TSHZ2: variants seen among roughly 807,000 people sequenced by gnomAD.
The protein encoded by TSHZ2 is teashirt homolog 2.
TSHZ2 carries 21 observed loss-of-function variants against 74.4 expected under a neutral mutation model. The ratio of observed to expected loss-of-function variants is 0.28; its 90% CI spans 0.20 to 0.41. The LOEUF is 0.41. Ranked by LOEUF, TSHZ2 falls within the 10% of genes least tolerant of loss-of-function variation. The pLI is 1.00. For missense variants in TSHZ2, 1,244 were observed against 1,293.5 expected (o/e 0.96, Z 0.59); for synonymous variants, 540 against 515.3 (o/e 1.05, Z -0.65).
intron 1 of TSHZ2, among the ~76,000 whole-genome samples, chr20:53,081,527 CT>C (rs1568750337): frequency 6.6e-6 from 1 of 152,210 alleles, no homozygotes; most frequent in African/African-American, 2.4e-5. Context: ...CTTCCTTCAG[CT>C]GGTGTGCCAC....
chr20:53,435,622 TC>T (rs1393885378), intron 2 of TSHZ2, among the ~76,000 whole-genome samples: 1 of 152,216 alleles, frequency 6.6e-6, no homozygotes, highest in Non-Finnish European at 1.5e-5. Flanking sequence ...CAAGCAATTC[TC>T]CTGCCTCAGC....
chr20:53,423,126 C>T (rs1983537214), intron 2 of TSHZ2, among the ~76,000 whole-genome samples: 6 of 152,168 alleles, frequency 3.9e-5, no homozygotes, highest in Admixed American at 3.9e-4. Flanking sequence ...GGGTTGGGCG[C>T]CGTGGCTTAT....
intron 1 of TSHZ2, among the ~76,000 whole-genome samples, chr20:53,160,745 CAA>C (rs10653039): frequency 3.8e-4 from 36 of 95,774 alleles, no homozygotes; most frequent in South Asian, 1.0e-3. Flanking sequence ...ACTCTGTCTC[CAA>C]AAAAAAAAAA....
intron 1 of TSHZ2, among the ~76,000 whole-genome samples, chr20:53,098,217 A>G (rs374935161): frequency 6.6e-6 from 1 of 152,216 alleles, no homozygotes; most frequent in African/African-American, 2.4e-5. Context: ...CTGGTACTCA[A>G]TAAATACTGG....
chr20:53,220,222 A>C (rs1989522360), intron 1 of TSHZ2, among the ~76,000 whole-genome samples: 1 of 152,208 alleles, frequency 6.6e-6, no homozygotes, highest in African/African-American at 2.4e-5. Flanking sequence ...TCTTGGAGGA[A>C]AGTCTTTGGG....
chr20:53,306,190 G>A (rs777564828), intron 2 of TSHZ2, among the ~76,000 whole-genome samples: 7 of 152,222 alleles, frequency 4.6e-5, no homozygotes, highest in African/African-American at 7.2e-5. Context: ...CGTGGCAACC[G>A]TGTGCAAGAC....
intron 1 of TSHZ2, among the ~76,000 whole-genome samples, chr20:52,975,895 C>T (rs1981317974): frequency 6.6e-6 from 1 of 152,118 alleles, no homozygotes; most frequent in South Asian, 2.1e-4. Flanking sequence ...TATGGCCATA[C>T]TAACTTTTAT....
chr20:53,317,873 G>C (rs1979087427), intron 2 of TSHZ2, among the ~76,000 whole-genome samples: 1 of 152,144 alleles, frequency 6.6e-6, no homozygotes. Flanking sequence ...CTGCAGGGTG[G>C]AGTCCCTACT....
intron 2 of TSHZ2, among the ~76,000 whole-genome samples, chr20:53,479,740 A>G (rs556886730): frequency 6.6e-6 from 1 of 152,228 alleles, no homozygotes; most frequent in Non-Finnish European, 1.5e-5. Flanking sequence ...CCCAATGGGC[A>G]TTTGACAGTG....
intron 2 of TSHZ2, among the ~76,000 whole-genome samples, chr20:53,347,526 T>C (rs1980484179): frequency 6.6e-6 from 1 of 152,206 alleles, no homozygotes; most frequent in Admixed American, 6.5e-5. Context: ...TTCTCCCTTT[T>C]CCAAATCATA....
At chr20:53,184,779 G>T (rs1988562309) in intron 1 of TSHZ2, among the ~76,000 whole-genome samples, 2 of 152,158 alleles carry the variant, frequency 1.3e-5, no homozygotes, top group Non-Finnish European at 2.9e-5. Context: ...CACAGTCTTG[G>T]CTCACTGCAT....
chr20:53,315,219 A>G (rs146265079), intron 2 of TSHZ2, among the ~76,000 whole-genome samples: 6 of 152,370 alleles, frequency 3.9e-5, no homozygotes, highest in African/African-American at 7.2e-5. Context: ...TTCAACATCA[A>G]AACTATTAAT....
At chr20:53,014,513 G>A (rs1303419051) in intron 1 of TSHZ2, among the ~76,000 whole-genome samples, 1 of 152,140 alleles carries the variant, frequency 6.6e-6, no homozygotes, top group Non-Finnish European at 1.5e-5. Flanking sequence ...GGGACCAGGT[G>A]GTGACTGGAG....
chr20:53,165,407 G>A (rs979768336), intron 1 of TSHZ2, among the ~76,000 whole-genome samples: 1 of 152,188 alleles, frequency 6.6e-6, no homozygotes, highest in East Asian at 1.9e-4. Context: ...ATGAAGCTGT[G>A]AAATACAGCA....
chr20:53,298,293 AAAAAT>A (rs1338060259), intron 2 of TSHZ2, among the ~76,000 whole-genome samples: 3 of 152,242 alleles, frequency 2.0e-5, no homozygotes. Flanking sequence ...ACACGTAAAC[AAAAAT>A]AAACACAAAA....
chr20:53,256,191 C>T lies in TSHZ2; in HGVS notation c.2733C>T (p.Gly911=), dbSNP rs776227475. ...TCAAGTACCAGCTTAGGAAAACGGG[C>T]GGGACAAAATTTCTGAAAAACATGG... The part of the protein sequence containing the change: ...ANVKYQLRKT[G]GTKFLKNMDK... The change falls in exon 2 of 3, where the codon GGC becomes GGT. Residue 911 remains glycine, a synonymous_variant. Transcript: ENST00000371497. The surrounding 1 kb of genome is among the most constrained non-coding windows in gnomAD (Gnocchi z 4.3). The T allele has an allele frequency of 1.2e-5, 20 of 1,612,176 alleles. No homozygotes were observed. Among genetic ancestry groups the T allele is most frequent in the African/African-American group, 8.0e-5 (6 of 74,880 alleles).
At chr20:53,100,240 G>A (rs1362063745) in intron 1 of TSHZ2, among the ~76,000 whole-genome samples, 4 of 152,028 alleles carry the variant, frequency 2.6e-5, no homozygotes, top group South Asian at 4.2e-4. Flanking sequence ...TAACCTATTT[G>A]CAAACGGCCT....
chr20:53,477,193 G>A (rs1458354749), intron 2 of TSHZ2, among the ~76,000 whole-genome samples: 15 of 19,458 alleles, frequency 7.7e-4, no homozygotes, highest in African/African-American at 1.6e-3. Flanking sequence ...AAAAGAGCCC[G>A]CATCGCCAAG....
At chr20:53,119,816 G>C (rs563586882) in intron 1 of TSHZ2, among the ~76,000 whole-genome samples, 1 of 152,082 alleles carries the variant, frequency 6.6e-6, no homozygotes, top group Admixed American at 6.5e-5. Flanking sequence ...TTGGGGCTTC[G>C]TAAAGCTTTA....
Sources: gnomAD v4.1 joint callset for allele counts (sites outside exome capture counted in the v4.1 genomes callset) on GRCh38, gnomAD v4.1.1 for gene constraint, Gnocchi (gnomAD v3.1) non-coding constraint, MANE v1.5 for transcripts, NCBI Gene and HGNC (gene_info 2026-07-23, HGNC 2026-07-21) for gene names.